Variants in IARS2 observed in about 807,000 individuals in gnomAD.
IARS2 encodes isoleucyl-tRNA synthetase 2, mitochondrial.
In IARS2, 56 loss-of-function variants were observed where a neutral mutation model predicts 126.3. The observed-to-expected ratio is 0.44, with a 90% CI of 0.36 to 0.55. The LOEUF (loss-of-function observed/expected upper bound fraction) is 0.55. Ranked by LOEUF, IARS2 falls within the 20% of genes least tolerant of loss-of-function variation. IARS2 has a pLI of 0.00. For missense variants in IARS2, 1,127 were observed against 1,245.9 expected (o/e 0.90, Z 1.44); for synonymous variants, 407 against 441.1 (o/e 0.92, Z 0.97).
rs773774721 is a variant in IARS2, at chr1:220,137,951, G to A, written c.2083G>A (p.Val695Ile). The A allele has an allele frequency of 2.5e-6, 4 of 1,614,146 alleles. No individual in the cohort carries two copies. The highest frequency in any genetic ancestry group is 2.5e-6 in the Non-Finnish European group (3 of 1,180,010). ...CAAAGAGCCTCCGTATGGTGCTGAT[G>A]TCCTTCGCTGGTGGGTAGCTGATTC... ...QSKEPPYGAD[V>I]LRWWVADSNV... Residue 695 changes from valine to isoleucine, a missense_variant, in exon 17 of 23, where the codon GTC becomes ATC. Coordinates refer to ENST00000366922, the MANE Select transcript of IARS2 (RefSeq NM_018060.4).
In IARS2 at chr1:220,109,639, G is replaced by A. The variant is rs377357607; in HGVS notation, c.1328-1147G>A. Among the ~76,000 whole-genome samples, 11 of 152,292 alleles carry A rather than the reference G, an allele frequency of 7.2e-5. 1 individual carries two copies. Among genetic ancestry groups the A allele is most frequent in the African/African-American group, 2.6e-4 (11 of 41,562 alleles). On this transcript the variant is annotated intron_variant, in intron 10 of 22. Coordinates refer to ENST00000366922, the MANE Select transcript of IARS2 (RefSeq NM_018060.4). ...AGGGTAATGAGATGAGTTTCACATG[G>A]CTGAATCAGTGGCAAAAACATAATC... is the stretch of plus-strand genomic sequence containing the variant.
chr1:220,097,833 T>C (rs1333928695), intron 2 of IARS2, among the ~76,000 whole-genome samples: 1 of 152,174 alleles, frequency 6.6e-6, no homozygotes, highest in Non-Finnish European at 1.5e-5. Context: ...TCCATGTGGA[T>C]TGAGGACAAA....
intron 22 of IARS2, among the ~76,000 whole-genome samples, chr1:220,146,562 G>T (rs1657597762): frequency 6.8e-6 from 1 of 146,032 alleles, no homozygotes; most frequent in Non-Finnish European, 1.5e-5. Context: ...TGCTGCTTGT[G>T]TTTTTCATAG....
chr1:220,141,843 T>G lies in IARS2; in HGVS notation c.2455T>G (p.Cys819Gly). ...EKENDPKRRS[C>G]QTALVEILDV... The stretch of plus-strand genomic sequence containing the variant: ...GGAAAATGACCCCAAACGACGCTCT[T>G]GTCAGACTGCATTAGTTGAAATTTT... Residue 819 changes from cysteine (C) to glycine (G), a missense_variant, in exon 20 of 23, where the codon TGT becomes GGT. Cys to Gly is a radical substitution (Grantham distance 159). Transcript: ENST00000366922. The G allele has an allele frequency of 1.2e-6, 2 of 1,614,180 alleles. No homozygotes were observed.
chr1:220,111,693 A>G (rs150912002), intron 11 of IARS2, among the ~76,000 whole-genome samples: 5 of 151,794 alleles, frequency 3.3e-5, no homozygotes, highest in African/African-American at 9.7e-5. Context: ...ACCAGGTTGA[A>G]TATATAGATA....
At chr1:220,147,430 A>C in intron 22 of IARS2, 63 bp from the exon 23 acceptor site, 1 of 1,540,542 alleles carries the variant, frequency 6.5e-7, no homozygotes. Context: ...TGCTAAACCA[A>C]TTAAGAAACA....
chr1:220,101,997 A>G, intron 3 of IARS2, 132 bp from the exon 4 acceptor site: 1 of 782,030 alleles, frequency 1.3e-6, no homozygotes, highest in South Asian at 1.7e-5. Context: ...GGTGACAGCG[A>G]GACTGTGTCT....
At chr1:220,118,942 GA>G (rs1327074429) in intron 12 of IARS2, among the ~76,000 whole-genome samples, 16 of 152,080 alleles carry the variant, frequency 1.1e-4, no homozygotes, top group Admixed American at 7.2e-4. Context: ...CATTGTTCTA[GA>G]ATTAAATTTA....
At chr1:220,143,176 T>C in intron 21 of IARS2, 42 bp downstream of exon 21, 1 of 1,456,122 alleles carries the variant, frequency 6.9e-7, no homozygotes, top group East Asian at 2.3e-5. Context: ...GTTAGTATCA[T>C]AGAGCTTTGC....
intron 10 of IARS2, among the ~76,000 whole-genome samples, chr1:220,107,629 A>G (rs1656708511): frequency 6.6e-6 from 1 of 152,206 alleles, no homozygotes; most frequent in African/African-American, 2.4e-5. Context: ...GACTAAGGCT[A>G]TTTAGACCTG....
chr1:220,110,711 T>C, intron 10 of IARS2, 75 bp from the exon 11 acceptor site: 2 of 1,170,954 alleles, frequency 1.7e-6, no homozygotes, highest in Non-Finnish European at 1.2e-6. Flanking sequence ...TAGTATTTTC[T>C]GGAAGTTTAG....
At chr1:220,103,269 A>G (rs1165725618) in intron 7 of IARS2, among the ~76,000 whole-genome samples, 178 bp from the exon 8 acceptor site, 1 of 152,158 alleles carries the variant, frequency 6.6e-6, no homozygotes. Context: ...GCTGGTTGCA[A>G]ACTCCCAACC....
intron 12 of IARS2, among the ~76,000 whole-genome samples, chr1:220,114,771 G>A (rs1184633470): frequency 1.3e-5 from 2 of 152,256 alleles, no homozygotes; most frequent in African/African-American, 4.8e-5. Flanking sequence ...TTTAGCAGGG[G>A]AGCCTGAAAT....
At chr1:220,146,581 T>A (rs867658811) in intron 22 of IARS2, among the ~76,000 whole-genome samples, 1 of 150,572 alleles carries the variant, frequency 6.6e-6, no homozygotes, top group Middle Eastern at 3.6e-3. Flanking sequence ...AGCTTTTGGG[T>A]ACCAGGAGAT....
At chr1:220,136,775 G>A (rs1269516315) in intron 15 of IARS2, 34 bp from the exon 16 acceptor site, 3 of 1,098,748 alleles carry the variant, frequency 2.7e-6, no homozygotes, top group South Asian at 2.7e-5. Context: ...TTATAATTGT[G>A]TTTATCATTA....
intron 14 of IARS2, 69 bp from the exon 15 acceptor site, chr1:220,134,333 T>G: frequency 9.5e-7 from 1 of 1,051,920 alleles, no homozygotes; most frequent in Non-Finnish European, 1.4e-6. Context: ...TATTAATAAG[T>G]ATCTTCTTTT....
intron 21 of IARS2, chr1:220,144,288 G>A: frequency 2.6e-6 from 2 of 760,636 alleles, no homozygotes; most frequent in South Asian, 2.7e-5. Flanking sequence ...CCTGGCTTTT[G>A]CCTCTCTTTT....
At chr1:220,116,752 T>C (rs938144531) in intron 12 of IARS2, among the ~76,000 whole-genome samples, 11 of 152,042 alleles carry the variant, frequency 7.2e-5, no homozygotes, top group African/African-American at 2.7e-4. Flanking sequence ...GTTCAGATTA[T>C]TTTATTTTAT....
chr1:220,136,305 T>C (rs1010920617), intron 15 of IARS2, among the ~76,000 whole-genome samples: 6 of 152,148 alleles, frequency 3.9e-5, no homozygotes, highest in Non-Finnish European at 7.4e-5. Context: ...CTAATTTTTG[T>C]ATTTTTAGTG....
Sources: gnomAD v4.1 joint callset for allele counts (sites outside exome capture counted in the v4.1 genomes callset) on GRCh38, gnomAD v4.1.1 for gene constraint, MANE v1.5 for transcripts, NCBI Gene and HGNC (gene_info 2026-07-23, HGNC 2026-07-21) for gene names.